The following RALGAPA1 variants were observed in gnomAD, a reference collection of about 807,000 sequenced individuals.
RALGAPA1 encodes ral GTPase-activating protein subunit alpha-1.
RALGAPA1 carries 52 observed loss-of-function variants against 269.6 expected under a neutral mutation model. The observed-to-expected ratio is 0.19, with a 90% CI of 0.15 to 0.24. The LOEUF is 0.24. Among genes scored for constraint, RALGAPA1 ranks in the 10% least tolerant of loss-of-function variants. The pLI, the probability that RALGAPA1 is intolerant of heterozygous loss-of-function variation, is 1.00. For synonymous variants in RALGAPA1, 817 were observed against 1,008.3 expected, an observed-to-expected ratio of 0.81 and a Z score of 3.60; for missense variants, 1,917 against 3,013.9, an observed-to-expected ratio of 0.64 and a Z score of 8.52.
In RALGAPA1 at chr14:35,750,750, AC is replaced by A. The variant is rs60253052; in HGVS notation, c.803-61del. 2,781 of 1,373,938 alleles carry A rather than the reference AC, an allele frequency of 2.0e-3. 52 individuals are homozygous for A. The African/African-American group carries it at 0.036, about 18-fold the overall frequency. The allele number at this position is 1,373,938 out of a possible 1,614,324, so 85.1% of individuals were successfully genotyped here. On this transcript the variant is annotated intron_variant, in intron 8 of 41. Transcript: ENST00000680220. ...AAGAAAGAAATTATGTTTAGAAAAA[AC>A]CTACATTTTTAAATACTTGAGAAAA... is the stretch of plus-strand genomic sequence containing the variant.
At chr14:35,783,078 C>G (rs1049677494) in intron 1 of RALGAPA1, among the ~76,000 whole-genome samples, 3 of 152,090 alleles carry the variant, frequency 2.0e-5, no homozygotes, top group Non-Finnish European at 4.4e-5. Flanking sequence ...CTCACCTCTA[C>G]TCCCAAAGTC....
At chr14:35,718,420 C>T (rs2069048749) in intron 16 of RALGAPA1, among the ~76,000 whole-genome samples, 1 of 152,144 alleles carries the variant, frequency 6.6e-6, no homozygotes, top group South Asian at 2.1e-4. Context: ...TAATGGTTGC[C>T]TCTAGTGAGG....
chr14:35,713,196 T>C (rs2068510510), intron 16 of RALGAPA1, among the ~76,000 whole-genome samples: 2 of 152,210 alleles, frequency 1.3e-5, no homozygotes, highest in South Asian at 2.1e-4. Context: ...TGCAGCAATG[T>C]AGATGTAGTG....
intron 41 of RALGAPA1, chr14:35,541,861 G>T: frequency 4.3e-6 from 2 of 464,470 alleles, no homozygotes; most frequent in South Asian, 1.5e-5. Context: ...CAAAAGAGAA[G>T]ATAGATAACA....
At chr14:35,684,814 A>G in intron 20 of RALGAPA1, 115 bp downstream of exon 20, 1 of 1,038,898 alleles carries the variant, frequency 9.6e-7, no homozygotes, top group Non-Finnish European at 1.4e-6. Context: ...CTAACGTGGG[A>G]GCCACTGCCT....
At chr14:35,751,791 A>C (rs58173315) in intron 8 of RALGAPA1, among the ~76,000 whole-genome samples, 2,737 of 146,340 alleles carry the variant, frequency 0.019, 38 homozygotes, top group Admixed American at 0.025. Context: ...CTCTTAAAAA[A>C]AACAACAACA....
chr14:35,546,370 A>C (rs2054456773), intron 41 of RALGAPA1, among the ~76,000 whole-genome samples: 1 of 151,986 alleles, frequency 6.6e-6, no homozygotes, highest in Non-Finnish European at 1.5e-5. Flanking sequence ...ATGACGAGTT[A>C]ATGGGTGCAG....
rs770717453 is a variant in RALGAPA1 at position 35,654,492 on chromosome 14, A to C, written c.5497-15T>G. 3.8e-6 allele frequency: 6 copies of C among 1,570,332 alleles called. No individual in the cohort carries two copies. The highest frequency in any genetic ancestry group is 4.6e-5 in the East Asian group (2 of 43,772). ...TTATTAGTAAACTGCAATAATAAAA[A>C]AAAAGTTTTAAAAATTTTCATGATG... On this transcript the variant is annotated splice_polypyrimidine_tract_variant and intron_variant, in intron 29 of 41. Transcript: ENST00000680220.
chr14:35,726,038 C>T (rs1376488680), intron 13 of RALGAPA1, among the ~76,000 whole-genome samples: 1 of 152,156 alleles, frequency 6.6e-6, no homozygotes, highest in Non-Finnish European at 1.5e-5. Flanking sequence ...GCTAAAGGGA[C>T]TTTCAGTTGG....
At chr14:35,797,587 T>G (rs1034254452) in intron 1 of RALGAPA1, among the ~76,000 whole-genome samples, 1 of 152,018 alleles carries the variant, frequency 6.6e-6, no homozygotes, top group Non-Finnish European at 1.5e-5. Flanking sequence ...GGCTCACGCC[T>G]GTAATCCCAG....
intron 41 of RALGAPA1, among the ~76,000 whole-genome samples, chr14:35,544,098 A>G (rs1268202549): frequency 6.6e-6 from 1 of 152,214 alleles, no homozygotes; most frequent in African/African-American, 2.4e-5. Context: ...AATTGGGAGA[A>G]TTGATTAATT....
In RALGAPA1 at chr14:35,711,609, G is replaced by T. The variant is rs572798563; in HGVS notation, c.2266+10079C>A. On this transcript the variant is annotated intron_variant, in intron 16 of 41. Transcript: ENST00000680220. ...AGTACAGATGTGAGCCACCACACCT[G>T]ACTAATTTTTTGATTTTTTTTGTAG... Among the ~76,000 whole-genome samples, 4 of 152,092 alleles carry T rather than the reference G, an allele frequency of 2.6e-5. No homozygotes were observed. In the East Asian group the frequency reaches 7.8e-4, roughly 30 times the overall value.
chr14:35,698,886 C>A (rs1396229164), intron 17 of RALGAPA1, among the ~76,000 whole-genome samples: 4 of 152,244 alleles, frequency 2.6e-5, no homozygotes, highest in African/African-American at 7.2e-5. Flanking sequence ...TATCCTAATT[C>A]TTTATTTGTA....
At chr14:35,547,623 A>G (rs1260073061) in intron 41 of RALGAPA1, among the ~76,000 whole-genome samples, 24 of 152,174 alleles carry the variant, frequency 1.6e-4, no homozygotes, top group Admixed American at 1.6e-3. Context: ...TGCCAGATAT[A>G]CTTAATTAGT....
chr14:35,662,896 T>C (rs1226756109), intron 27 of RALGAPA1, among the ~76,000 whole-genome samples: 4 of 148,420 alleles, frequency 2.7e-5, no homozygotes, highest in Admixed American at 2.1e-4. Context: ...TGATTTTATA[T>C]GTAAGTCAAG....
intron 12 of RALGAPA1, among the ~76,000 whole-genome samples, chr14:35,731,578 A>C (rs2070479881): frequency 6.6e-6 from 1 of 152,234 alleles, no homozygotes; most frequent in Non-Finnish European, 1.5e-5. Flanking sequence ...ATACTTATAG[A>C]AATGCAAAAT....
chr14:35,796,811 C>G (rs530476465), intron 1 of RALGAPA1, among the ~76,000 whole-genome samples: 2 of 150,564 alleles, frequency 1.3e-5, no homozygotes, highest in East Asian at 3.9e-4. Context: ...GATGGAGTCT[C>G]GCTCTGTTGC....
chr14:35,603,820 T>C (rs566647655), intron 36 of RALGAPA1, among the ~76,000 whole-genome samples: 1 of 152,128 alleles, frequency 6.6e-6, no homozygotes, highest in East Asian at 1.9e-4. Flanking sequence ...AAGAATAGAA[T>C]GACAGTTACC....
At chr14:35,641,046 C>T (rs2061994101) in intron 31 of RALGAPA1, among the ~76,000 whole-genome samples, 2 of 151,808 alleles carry the variant, frequency 1.3e-5, no homozygotes, top group South Asian at 2.1e-4. Flanking sequence ...TCATGATGAA[C>T]ACCTCCTCCC....
Sources: allele counts gnomAD v4.1 joint callset (sites outside exome capture counted in the v4.1 genomes callset), GRCh38; gene constraint gnomAD v4.1.1; transcripts MANE v1.5; gene names NCBI Gene and HGNC (gene_info 2026-07-23, HGNC 2026-07-21).